The following AFF3 variants were observed in gnomAD, a reference collection of about 807,000 sequenced individuals.
The protein encoded by AFF3 is ALF transcription elongation factor 3.
Under a neutral mutation model 129.7 loss-of-function variants are expected in AFF3, and 32 were observed. The observed-to-expected ratio is 0.25, with a 90% CI of 0.19 to 0.33. The LOEUF is 0.33. AFF3 is among the 10% of genes least tolerant of loss of function. AFF3 has a pLI of 1.00. For missense variants in AFF3, 1,373 were observed against 1,592.0 expected, an observed-to-expected ratio of 0.86 and a Z score of 2.34; for synonymous variants, 644 against 635.4, an observed-to-expected ratio of 1.01 and a Z score of -0.20.
intron 13 of AFF3, among the ~76,000 whole-genome samples, chr2:99,612,759 C>A (rs1332707238): frequency 6.6e-6 from 1 of 152,228 alleles, no homozygotes; most frequent in Non-Finnish European, 1.5e-5. Context: ...CACGGCACAC[C>A]TGTTCCAGCT....
At chr2:100,013,653 A>G (rs78438918) in intron 4 of AFF3, among the ~76,000 whole-genome samples, 20,542 of 152,142 alleles carry the variant, frequency 0.14, 1,693 homozygotes, top group East Asian at 0.29. Flanking sequence ...CCAGAGGCAA[A>G]ACAGGAATAA....
At position 100,038,712 on chromosome 2, in the gene AFF3, T is replaced by TTTC. The variant is rs572149936; in HGVS notation, c.54-29783_54-29781dup. 1.1e-4 allele frequency among the ~76,000 whole-genome samples: 17 copies of TTTC among 151,638 alleles called. No homozygotes were observed. The South Asian group carries it at 1.2e-3, about 11-fold the overall frequency. ...TCATGGGACTATGCAGCATATTTAT[T>TTTC]TTCTTCTTCTTCTTCTTTTTTTTTT... On this transcript the variant is annotated intron_variant, in intron 4 of 24. Transcript: ENST00000672756.
At chr2:99,640,680 T>C (rs1160273682) in intron 13 of AFF3, among the ~76,000 whole-genome samples, 1 of 152,164 alleles carries the variant, frequency 6.6e-6, no homozygotes, top group Admixed American at 6.5e-5. Flanking sequence ...GCATAATTTG[T>C]ATTCTTGGTC....
At chr2:99,637,049 C>G (rs967584714) in intron 13 of AFF3, among the ~76,000 whole-genome samples, 11 of 151,880 alleles carry the variant, frequency 7.2e-5, no homozygotes, top group Non-Finnish European at 1.3e-4. Context: ...TGGGACTGTT[C>G]CAGGGGTGGG....
intron 15 of AFF3, 22 bp from the exon 16 acceptor site, chr2:99,587,300 TCAA>T (rs1448224888): frequency 6.2e-7 from 1 of 1,613,582 alleles, no homozygotes; most frequent in Admixed American, 1.7e-5. Context: ...TAAACTAAAG[TCAA>T]TCAGCACTGG....
rs1191996929 is a variant in AFF3, at chr2:99,752,204, G to C, written c.1002+17C>G. ...CATGAGTGAAACATATTCCTCCTGA[G>C]GGATGCAAGATCTCACCTTATTTGG... On this transcript the variant is annotated intron_variant, in intron 9 of 24. Coordinates refer to ENST00000672756, the MANE Select transcript of AFF3 (RefSeq NM_001386135.1). 8.8e-6 allele frequency: 14 copies of C among 1,595,656 alleles called. No individual in the cohort carries two copies. Among genetic ancestry groups the C allele is most frequent in the Non-Finnish European group, 1.1e-5 (13 of 1,163,434 alleles).
chr2:99,551,049 C>T lies in AFF3; in HGVS notation c.*425G>A, dbSNP rs1674365981. The T allele has an allele frequency of 4.7e-6, 2 of 421,740 alleles. No individual in the cohort carries two copies. Among genetic ancestry groups the T allele is most frequent in the Admixed American group, 3.9e-5 (1 of 25,880 alleles). 26.1% of individuals were successfully genotyped at this position (421,740 alleles called of 1,614,324 possible). ...AAGCTTTTGGTGTGCTGTATTGCAC[C>T]TGGTTAACTAACCCATGAGATTTTG... On this transcript the variant is annotated 3_prime_UTR_variant, in exon 25 of 25. Coordinates refer to ENST00000672756, the MANE Select transcript of AFF3 (RefSeq NM_001386135.1).
At chr2:100,112,850 T>C (rs1354294363) in intron 2 of AFF3, among the ~76,000 whole-genome samples, 1 of 152,218 alleles carries the variant, frequency 6.6e-6, no homozygotes, top group African/African-American at 2.4e-5. Context: ...AGCAACTCTT[T>C]CCAGGGATGG....
chr2:99,834,789 G>A (rs1051437520), intron 8 of AFF3, among the ~76,000 whole-genome samples: 10 of 152,008 alleles, frequency 6.6e-5, no homozygotes, highest in African/African-American at 2.4e-4. Flanking sequence ...ACTTGCCAGC[G>A]GCTATTCCTT....
At chr2:99,899,740 A>C (rs1694216561) in intron 7 of AFF3, among the ~76,000 whole-genome samples, 1 of 152,220 alleles carries the variant, frequency 6.6e-6, no homozygotes, top group Non-Finnish European at 1.5e-5. Context: ...GCCAGGTCAA[A>C]GTCTGAGCCA....
At chr2:99,682,817 C>G (rs942418228) in intron 11 of AFF3, among the ~76,000 whole-genome samples, 2 of 152,128 alleles carry the variant, frequency 1.3e-5, no homozygotes, top group Non-Finnish European at 2.9e-5. Flanking sequence ...TTAACAGAAG[C>G]CTTTACTACT....
intron 14 of AFF3, among the ~76,000 whole-genome samples, chr2:99,597,748 G>A (rs897827964): frequency 9.9e-5 from 15 of 152,248 alleles, no homozygotes; most frequent in African/African-American, 3.6e-4. Flanking sequence ...GCATGCGGCT[G>A]GCCACAGTCC....
intron 4 of AFF3, among the ~76,000 whole-genome samples, chr2:100,077,402 G>C (rs1471352800): frequency 3.9e-5 from 6 of 152,096 alleles, no homozygotes; most frequent in South Asian, 4.2e-4. Flanking sequence ...GGATGGGGCC[G>C]TGAGTCAGAA....
At chr2:99,910,969 C>A (rs187277252) in intron 7 of AFF3, among the ~76,000 whole-genome samples, 1 of 152,344 alleles carries the variant, frequency 6.6e-6, no homozygotes, top group Non-Finnish European at 1.5e-5. Context: ...CAAGCTCACT[C>A]TGATATTTGG....
intron 7 of AFF3, among the ~76,000 whole-genome samples, chr2:99,972,240 C>T (rs1678458811): frequency 6.6e-6 from 1 of 152,242 alleles, no homozygotes; most frequent in African/African-American, 2.4e-5. Context: ...GCTTCACAGT[C>T]ATCCATGTGT....
intron 20 of AFF3, among the ~76,000 whole-genome samples, chr2:99,561,224 A>G (rs1675441704): frequency 6.6e-6 from 1 of 152,246 alleles, no homozygotes; most frequent in Admixed American, 6.5e-5. Flanking sequence ...ACTGCCAATC[A>G]CATAACATTG....
At chr2:100,106,618 G>A in intron 2 of AFF3, 1 of 988,528 alleles carries the variant, frequency 1.0e-6, no homozygotes, top group East Asian at 1.1e-4. Flanking sequence ...TGCAAGTTCT[G>A]AGGCCTGAAC....
chr2:100,039,498 A>T (rs1450845353), intron 4 of AFF3, among the ~76,000 whole-genome samples: 1 of 152,116 alleles, frequency 6.6e-6, no homozygotes, highest in Non-Finnish European at 1.5e-5. Context: ...TCAAGGCTGC[A>T]ATGAGCTATG....
chr2:99,702,826 G>A (rs764855458), intron 11 of AFF3, among the ~76,000 whole-genome samples: 1 of 152,178 alleles, frequency 6.6e-6, no homozygotes, highest in Non-Finnish European at 1.5e-5. Flanking sequence ...TGTTGAATAT[G>A]TGGTTTACAA....
Sources: allele counts gnomAD v4.1 joint callset (sites outside exome capture counted in the v4.1 genomes callset), GRCh38; gene constraint gnomAD v4.1.1; transcripts MANE v1.5; gene names NCBI Gene and HGNC (gene_info 2026-07-23, HGNC 2026-07-21).